The following TUBGCP5 variants were observed in gnomAD, a reference collection of about 807,000 sequenced individuals.
TUBGCP5 encodes gamma-tubulin complex component 5.
In TUBGCP5, 98 loss-of-function variants were observed where a neutral mutation model predicts 134.7. That is an observed-to-expected ratio of 0.73 (90% CI 0.62 to 0.86). The LOEUF is 0.86. TUBGCP5 is among the 40% of genes least tolerant of loss of function. The probability of loss-of-function intolerance (pLI) is 0.00; values close to 1 mark genes in which losing one functional copy is unlikely to be tolerated. For synonymous variants in TUBGCP5, 456 were observed against 431.4 expected, an observed-to-expected ratio of 1.06 and a Z score of -0.71; for missense variants, 1,150 against 1,244.8, an observed-to-expected ratio of 0.92 and a Z score of 1.15.
intron 14 of TUBGCP5, 133 bp downstream of exon 14, chr15:23,011,000 A>AT: frequency 2.4e-6 from 2 of 827,576 alleles, no homozygotes; most frequent in Non-Finnish European, 3.7e-6. Flanking sequence ...AAAAAAAAAA[A>AT]GGAAAAAGAA....
At chr15:23,015,235 G>A (rs1052091015) in intron 13 of TUBGCP5, among the ~76,000 whole-genome samples, 8 of 151,998 alleles carry the variant, frequency 5.3e-5, no homozygotes, top group East Asian at 2.0e-4. Flanking sequence ...ATAGGCATGC[G>A]CCACCACATC....
chr15:23,017,133 G>A (rs4778479), intron 13 of TUBGCP5, among the ~76,000 whole-genome samples: 5,424 of 151,684 alleles, frequency 0.036, 236 homozygotes, highest in African/African-American at 0.1. Flanking sequence ...TGTTGATCTC[G>A]TATTAGTAAA....
At chr15:23,030,601 T>TAAAAAAAAAAAAAAAAAAAAAAAA (rs10632423) in intron 6 of TUBGCP5, among the ~76,000 whole-genome samples, 1 of 119,546 alleles carries the variant, frequency 8.4e-6, no homozygotes, top group Non-Finnish European at 1.8e-5. Flanking sequence ...CTTCTCCAAT[T>TAAAAAAAAAAAAAAAAAAAAAAAA]AAAAAAAAAA....
At chr15:23,029,936 T>C (rs1230997728) in intron 6 of TUBGCP5, among the ~76,000 whole-genome samples, 1 of 152,158 alleles carries the variant, frequency 6.6e-6, no homozygotes, top group African/African-American at 2.4e-5. Context: ...GGCTCACATC[T>C]GTAATCCCAG....
In TUBGCP5 at chr15:23,008,723, T is replaced by C; in HGVS notation, c.2303A>G (p.Gln768Arg). The change falls in exon 16 of 23, where the codon CAG (glutamine) becomes CGG (arginine). Residue 768 changes from glutamine to arginine, a missense_variant. By Grantham distance (43) the Gln-to-Arg change is conservative. Around this residue, in one of 2 missense-constraint regions of TUBGCP5, gnomAD observed 697 missense variants for 850.1 expected, o/e 0.82. Coordinates refer to ENST00000615383, the MANE Select transcript of TUBGCP5 (RefSeq NM_052903.6). ...CCGTGAACTATCTTCAGGATAACGC[T>C]GTCCTACTGCTTCTTGGAGTTGGAC... ...LNVQLQEAVG[Q>R]RYPEDSSRLS... is the part of the protein sequence containing the mutation. 1 of 1,608,046 alleles carries C rather than the reference T, an allele frequency of 6.2e-7. No individual in the cohort carries two copies. The highest frequency in any genetic ancestry group is 2.2e-5 in the East Asian group (1 of 44,738).
intron 6 of TUBGCP5, among the ~76,000 whole-genome samples, chr15:23,027,827 A>T (rs4778482): frequency 0.049 from 6,621 of 134,554 alleles, 363 homozygotes; most frequent in African/African-American, 0.17. Flanking sequence ...ACTAGAAAGT[A>T]AAAAAAAAAA....
Position 23,005,501 on chromosome 15 carries a change from A to T in TUBGCP5, c.2643T>A (p.His881Gln). The T allele has an allele frequency of 6.2e-7, 1 of 1,614,214 alleles. No homozygotes were observed. Among genetic ancestry groups the T allele is most frequent in the Non-Finnish European group, 8.5e-7 (1 of 1,180,026 alleles). The stretch of plus-strand genomic sequence containing the variant: ...GCTTCACTCTTAAGAGGAACATGCG[A>T]TGAATCTGCTGTCTTACTGGTTCTT... ...PQKEPVRQQI[H>Q]RMFLLRVKLM... Residue 881 changes from histidine (H) to glutamine (Q), a missense_variant, in exon 19 of 23, where the codon CAT becomes CAA. His to Gln is a conservative substitution (Grantham distance 24, BLOSUM62 0). Coordinates refer to ENST00000615383, the MANE Select transcript of TUBGCP5 (RefSeq NM_052903.6).
In TUBGCP5 at chr15:23,009,483, T is replaced by A. The variant is rs966182369; in HGVS notation, c.2144+462A>T. Among the ~76,000 whole-genome samples the A allele has an allele frequency of 2.0e-5, 3 of 152,082 alleles. No individual in the cohort carries two copies. In the East Asian group the frequency reaches 5.8e-4, roughly 29 times the overall value. On this transcript the variant is annotated intron_variant, in intron 15 of 22. Coordinates refer to ENST00000615383, the MANE Select transcript of TUBGCP5 (RefSeq NM_052903.6). ...CGGGGTTTCACCGTGTTAGCCAGGA[T>A]GCTCTCGATCTCCTGATCTCGTGAT...
chr15:23,035,513 T>C (rs1032636077), intron 3 of TUBGCP5, among the ~76,000 whole-genome samples: 4 of 151,864 alleles, frequency 2.6e-5, no homozygotes, highest in African/African-American at 7.3e-5. Context: ...ATAAGGAGCA[T>C]GCAACCTAGA....
At chr15:23,033,459 A>G (rs1272210723) in intron 3 of TUBGCP5, among the ~76,000 whole-genome samples, 2 of 152,070 alleles carry the variant, frequency 1.3e-5, no homozygotes, top group Non-Finnish European at 2.9e-5. Flanking sequence ...TTGTATTTTT[A>G]GTAGAGATGG....
intron 20 of TUBGCP5, among the ~76,000 whole-genome samples, chr15:23,003,378 C>A (rs2064503094): frequency 6.6e-6 from 1 of 152,162 alleles, no homozygotes; most frequent in African/African-American, 2.4e-5. Context: ...GTCAAACCAA[C>A]AAAACAAACT....
Position 23,031,969 on chromosome 15 carries a change from C to T in TUBGCP5, c.467G>A (p.Gly156Asp). ...ACTTACTGGTGTGTCCATGTACGGA[C>T]CAATGTCCATTTCTTCATCTTCCAT... ...YLMEDEEMDI[G>D]PYMDTPNWSE... is the part of the protein sequence containing the mutation. The change falls in exon 5 of 23, where the codon GGT (glycine) becomes GAT (aspartate). Residue 156 changes from glycine (G) to aspartate (D), a missense_variant. This residue lies in a region of TUBGCP5 where 453 missense variants were observed against 394.7 expected (regional missense o/e 1.15). Coordinates refer to ENST00000615383, the MANE Select transcript of TUBGCP5 (RefSeq NM_052903.6). 6.2e-7 allele frequency: 1 copy of T among 1,612,422 alleles called. No homozygotes were observed. Among genetic ancestry groups the T allele is most frequent in the Non-Finnish European group, 8.5e-7 (1 of 1,179,126 alleles).
rs1198339688 is a variant in TUBGCP5, at chr15:23,005,462, C to T, written c.2682G>A (p.Val894=). The T allele has an allele frequency of 6.2e-7, 1 of 1,614,080 alleles. No individual in the cohort carries two copies. The highest frequency in any genetic ancestry group is 8.5e-7 in the Non-Finnish European group (1 of 1,180,004). Residue 894 remains valine, a synonymous_variant, in exon 19 of 23, where the codon GTG becomes GTA. Coordinates refer to ENST00000615383, the MANE Select transcript of TUBGCP5 (RefSeq NM_052903.6). ...TCATGATGTAGTTGTGCAAGCTGTT[C>T]ACGAAATGCATGAGCTTCACTCTTA... ...FLLRVKLMHF[V]NSLHNYIMTR... is the part of the protein sequence containing the mutation.
rs1247653623 is a variant in TUBGCP5 at position 23,011,174 on chromosome 15, C to T, written c.1914G>A (p.Leu638=). 1.2e-6 allele frequency: 2 copies of T among 1,613,838 alleles called. No homozygotes were observed. The highest frequency in any genetic ancestry group is 2.2e-5 in the East Asian group (1 of 44,874). The part of the protein sequence containing the change: ...MQSIAESHLE[L]DDVHDPLLAI... ...CAAGCAGTGGATCATGAACATCATC[C>T]AGTTCAAGATGGCTTTCAGCAATGG... Residue 638 remains leucine, a synonymous_variant, in exon 14 of 23, where the codon CTG becomes CTA. Transcript: ENST00000615383.
At chr15:23,032,954 C>T in intron 3 of TUBGCP5, 130 bp from the exon 4 acceptor site, 1 of 541,194 alleles carries the variant, frequency 1.8e-6, no homozygotes, top group Non-Finnish European at 3.1e-6. Context: ...ATGAGTTATA[C>T]CTAAATAATC....
At chr15:23,029,914 G>A (rs1257201259) in intron 6 of TUBGCP5, among the ~76,000 whole-genome samples, 2 of 151,816 alleles carry the variant, frequency 1.3e-5, no homozygotes, top group East Asian at 3.9e-4. Context: ...AGCAAAGTGG[G>A]CTGGGCATGG....
chr15:23,037,452 G>A (rs1290873324), intron 1 of TUBGCP5, among the ~76,000 whole-genome samples: 1 of 152,102 alleles, frequency 6.6e-6, no homozygotes, highest in Admixed American at 6.6e-5. Flanking sequence ...TTCTACATCA[G>A]GTGGTCCCAA....
chr15:23,036,792 G>A (rs1199306029), intron 3 of TUBGCP5, 105 bp downstream of exon 3: 4 of 814,660 alleles, frequency 4.9e-6, no homozygotes, highest in Non-Finnish European at 8.0e-6. Context: ...TTAGCCAGTA[G>A]ATAATACTAA....
intron 13 of TUBGCP5, 118 bp downstream of exon 13, chr15:23,017,655 C>A (rs944270128): frequency 3.0e-6 from 3 of 1,013,686 alleles, no homozygotes; most frequent in Middle Eastern, 2.6e-4. Flanking sequence ...TAATTGCCAC[C>A]GAAATAAGAG....
Sources: allele counts gnomAD v4.1 joint callset (sites outside exome capture counted in the v4.1 genomes callset), GRCh38; gene constraint gnomAD v4.1.1; regional missense constraint gnomAD v4.1.1; transcripts MANE v1.5; gene names NCBI Gene and HGNC (gene_info 2026-07-23, HGNC 2026-07-21).